The following ZBTB40 variants were observed in gnomAD, a reference collection of about 807,000 sequenced individuals.
ZBTB40 encodes zinc finger and BTB domain-containing protein 40.
ZBTB40 carries 60 observed loss-of-function variants against 117.5 expected under a neutral mutation model. The ratio of observed to expected loss-of-function variants is 0.51; its 90% CI spans 0.41 to 0.63. The LOEUF (loss-of-function observed/expected upper bound fraction) is 0.63, where lower values mean the gene tolerates loss of function less well. ZBTB40 is among the 30% of genes least tolerant of loss of function. ZBTB40 has a pLI of 0.00. For synonymous variants in ZBTB40, 525 were observed against 577.1 expected (o/e 0.91, Z 1.29); for missense variants, 1,287 against 1,498.5 (o/e 0.86, Z 2.33).
chr1:22,451,667 AACTTT>A (rs1356145734), upstream of ZBTB40, among the ~76,000 whole-genome samples: 4 of 151,978 alleles, frequency 2.6e-5, no homozygotes, highest in African/African-American at 7.2e-5. Flanking sequence ...AAAAGAAAAA[AACTTT>A]ACTTAGGAAG....
chr1:22,497,956 G>A (rs1392142611), intron 3 of ZBTB40, among the ~76,000 whole-genome samples: 2 of 152,172 alleles, frequency 1.3e-5, no homozygotes, highest in Non-Finnish European at 2.9e-5. Context: ...AGTCAAGGGA[G>A]GCCTGAGTGA....
At position 22,436,753 on chromosome 1, in the gene ZBTB40, A is replaced by G. The variant is rs369511651; in HGVS notation, c.-70+7739A>G. The stretch of plus-strand genomic sequence containing the variant: ...CCAGGCACAAAACACTACATATTAT[A>G]TAATTTCGCTGATATGAAATTCTAG... On this transcript the variant is annotated intron_variant, in intron 1 of 8. Transcript: ENST00000650433. Among the ~76,000 whole-genome samples, 11 of 152,316 alleles carry G rather than the reference A, an allele frequency of 7.2e-5. No individual in the cohort carries two copies. In the East Asian group the frequency reaches 1.7e-3, roughly 24 times the overall value.
In ZBTB40 at chr1:22,513,734, A is replaced by G. The variant is rs1017028840; in HGVS notation, c.2668+604A>G. On this transcript the variant is annotated intron_variant, in intron 12 of 17. Transcript: ENST00000375647. The surrounding 1 kb of genome is among the most constrained non-coding windows in gnomAD (Gnocchi z 4.9). ...TAATAATAATAAATAAAATTAAAAA[A>G]CAATGCACAACCTCTAGGCAAACAG... is the stretch of plus-strand genomic sequence containing the variant. Among the ~76,000 whole-genome samples the G allele has an allele frequency of 9.9e-5, 15 of 152,154 alleles. No individual in the cohort carries two copies. Among genetic ancestry groups the G allele is most frequent in the African/African-American group, 3.1e-4 (13 of 41,438 alleles).
chr1:22,509,995 C>T (rs1455342281), intron 9 of ZBTB40, among the ~76,000 whole-genome samples: 1 of 152,178 alleles, frequency 6.6e-6, no homozygotes, highest in East Asian at 1.9e-4. Flanking sequence ...CTAGAAAGAG[C>T]CAAGATAAAC....
chr1:22,476,935 C>T (rs1018116031), intron 1 of ZBTB40, among the ~76,000 whole-genome samples: 8 of 152,182 alleles, frequency 5.3e-5, no homozygotes, highest in African/African-American at 7.2e-5. Flanking sequence ...TTCTTACCTC[C>T]GGAAAGTGCC....
intron 1 of ZBTB40, among the ~76,000 whole-genome samples, chr1:22,434,062 G>A (rs1349833811): frequency 6.6e-6 from 1 of 152,142 alleles, no homozygotes; most frequent in African/African-American, 2.4e-5. Flanking sequence ...TCGTAGAGTG[G>A]AGTTCCATTT....
chr1:22,504,620 T>G (rs528683881), intron 5 of ZBTB40, among the ~76,000 whole-genome samples: 2 of 152,334 alleles, frequency 1.3e-5, no homozygotes, highest in African/African-American at 4.8e-5. Context: ...AATAACATAG[T>G]CATTTCTTAA....
chr1:22,490,114 A>C lies in ZBTB40; in HGVS notation c.166A>C (p.Thr56Pro). The change falls in exon 2 of 18, where the codon ACA becomes CCA. Residue 56 changes from threonine to proline, a missense_variant. Thr to Pro is a conservative substitution (Grantham distance 38). Coordinates refer to ENST00000375647, the MANE Select transcript of ZBTB40 (RefSeq NM_014870.4). ...SLLFKTLLDNTDTISIDASVV... is the reference protein window; with the variant it reads ...SLLFKTLLDNPDTISIDASVV... ...CCTGTTCAAAACCCTGCTGGATAAC[A>C]CAGATACCATCTCCATCGATGCATC... The C allele has an allele frequency of 5.6e-6, 9 of 1,614,162 alleles. No individual in the cohort carries two copies. Among genetic ancestry groups the C allele is most frequent in the Non-Finnish European group, 7.6e-6 (9 of 1,180,042 alleles).
intron 13 of ZBTB40, 27 bp downstream of exon 13, chr1:22,517,491 C>T (rs368995131): frequency 1.4e-5 from 23 of 1,604,382 alleles, no homozygotes; most frequent in Admixed American, 5.0e-5. Flanking sequence ...GATCTCAAGC[C>T]CTCAGTGCCA....
At chr1:22,436,106 T>C (rs1640666848) in intron 1 of ZBTB40, among the ~76,000 whole-genome samples, 1 of 152,186 alleles carries the variant, frequency 6.6e-6, no homozygotes, top group African/African-American at 2.4e-5. Context: ...TAATTTCTTA[T>C]AAAGGTGCAT....
At chr1:22,493,423 G>T (rs1638687945) in intron 3 of ZBTB40, among the ~76,000 whole-genome samples, 1 of 152,096 alleles carries the variant, frequency 6.6e-6, no homozygotes, top group African/African-American at 2.4e-5. Flanking sequence ...TTGTACTTCG[G>T]CCTCTACTTC....
chr1:22,516,640 G>C (rs1201653818), intron 12 of ZBTB40, among the ~76,000 whole-genome samples: 1 of 152,128 alleles, frequency 6.6e-6, no homozygotes, highest in Admixed American at 6.5e-5. Context: ...CTGGGATCCG[G>C]GGTTCTGGTG....
chr1:22,477,828 C>T (rs570865137), intron 1 of ZBTB40, among the ~76,000 whole-genome samples: 6 of 152,134 alleles, frequency 3.9e-5, no homozygotes, highest in Non-Finnish European at 8.8e-5. Context: ...GATTAACAGG[C>T]GTGAGCCAGC....
Position 22,501,700 on chromosome 1 carries a change from A to G in ZBTB40, c.1024+16A>G, listed in dbSNP as rs1345989019. 3 of 1,611,538 alleles carry G rather than the reference A, an allele frequency of 1.9e-6. No individual in the cohort carries two copies. Among genetic ancestry groups the G allele is most frequent in the Non-Finnish European group, 2.5e-6 (3 of 1,179,184 alleles). ...CAGCCAAAAGGTAGGAGAAGATCCTATGCATTGGAATGGCAGGGTTTTATT... is the reference window on the plus strand; with the variant it reads ...CAGCCAAAAGGTAGGAGAAGATCCTGTGCATTGGAATGGCAGGGTTTTATT... On this transcript the variant is annotated intron_variant, in intron 4 of 17. Transcript: ENST00000375647.
chr1:22,509,568 G>A (rs140054007), intron 9 of ZBTB40, among the ~76,000 whole-genome samples: 167 of 152,264 alleles, frequency 1.1e-3, no homozygotes, highest in African/African-American at 3.8e-3. Context: ...GGCTGGTCTC[G>A]AACTCCTGGC....
At chr1:22,440,591 A>G (rs1284761590) in intron 1 of ZBTB40, among the ~76,000 whole-genome samples, 1 of 152,108 alleles carries the variant, frequency 6.6e-6, no homozygotes, top group Non-Finnish European at 1.5e-5. Flanking sequence ...ACCACTGAGT[A>G]TGAGGTTTGC....
chr1:22,432,533 T>C (rs1640606187), intron 1 of ZBTB40, among the ~76,000 whole-genome samples: 1 of 152,238 alleles, frequency 6.6e-6, no homozygotes, highest in South Asian at 2.1e-4. Flanking sequence ...TTAGTTGCAC[T>C]AGCTACATTT....
At chr1:22,473,151 A>G (rs1274249343) in intron 1 of ZBTB40, among the ~76,000 whole-genome samples, 1 of 152,188 alleles carries the variant, frequency 6.6e-6, no homozygotes, top group Non-Finnish European at 1.5e-5. Context: ...CTACTCAGAG[A>G]TGGTTCCTTG....
At chr1:22,447,815 G>A (rs1370470732), upstream of ZBTB40, among the ~76,000 whole-genome samples, 1 of 152,216 alleles carries the variant, frequency 6.6e-6, no homozygotes. Context: ...CCTCATCTGA[G>A]ACTGTCTGGT....
Sources: gnomAD v4.1 joint callset for allele counts (sites outside exome capture counted in the v4.1 genomes callset) on GRCh38, gnomAD v4.1.1 for gene constraint, Gnocchi (gnomAD v3.1) non-coding constraint, MANE v1.5 for transcripts, NCBI Gene and HGNC (gene_info 2026-07-23, HGNC 2026-07-21) for gene names.